UBP1: variants seen among roughly 807,000 people sequenced by gnomAD.
UBP1 encodes upstream binding protein 1, also known as upstream-binding protein 1.
In UBP1, 22 loss-of-function variants were observed where a neutral mutation model predicts 76.1. The observed-to-expected ratio is 0.29, with a 90% confidence interval of 0.21 to 0.41. The LOEUF is 0.41. Ranked by LOEUF, UBP1 falls within the 10% of genes least tolerant of loss-of-function variation. UBP1 has a pLI of 1.00. For synonymous variants in UBP1, 224 were observed against 237.1 expected (o/e 0.94, Z 0.51); for missense variants, 436 against 668.1 (o/e 0.65, Z 3.83).
chr3:33,427,476 G>A (rs137897314), intron 1 of UBP1, among the ~76,000 whole-genome samples: 16 of 152,308 alleles, frequency 1.1e-4, no homozygotes, highest in African/African-American at 3.6e-4. Flanking sequence ...AATAACTACT[G>A]TATCAACACC....
intron 1 of UBP1, 22 bp downstream of exon 1, chr3:33,439,714 C>T (rs1160802329): frequency 1.9e-6 from 3 of 1,609,258 alleles, no homozygotes; most frequent in Non-Finnish European, 8.5e-7. Flanking sequence ...AGAGGCTTCT[C>T]CCCGCCCAGG....
chr3:33,390,137 T>C lies in UBP1; in HGVS notation c.*194A>G, dbSNP rs1197524679. 1 of 605,610 alleles carries C rather than the reference T, an allele frequency of 1.7e-6. No homozygotes were observed. Among genetic ancestry groups the C allele is most frequent in the East Asian group, 2.8e-5 (1 of 35,628 alleles). 37.5% of individuals were successfully genotyped at this position (605,610 alleles called of 1,614,324 possible). ...TGCTGTGCCGATGTGCTCACTCTCATGAGGATGCTTGGCTATGGCAGTGAC... is the reference window on the plus strand; with the variant it reads ...TGCTGTGCCGATGTGCTCACTCTCACGAGGATGCTTGGCTATGGCAGTGAC... On this transcript the variant is annotated 3_prime_UTR_variant, in exon 16 of 16. Coordinates refer to ENST00000283629, the MANE Select transcript of UBP1 (RefSeq NM_014517.5).
At chr3:33,397,221 G>T in intron 11 of UBP1, 86 bp from the exon 12 acceptor site, 1 of 990,960 alleles carries the variant, frequency 1.0e-6, no homozygotes, top group Non-Finnish European at 1.5e-6. Flanking sequence ...GCAGTCCAAT[G>T]TCCTTCAAAA....
At chr3:33,432,751 G>C (rs562775744) in intron 1 of UBP1, among the ~76,000 whole-genome samples, 1 of 152,282 alleles carries the variant, frequency 6.6e-6, no homozygotes, top group South Asian at 2.1e-4. Flanking sequence ...ATGCAATACA[G>C]AATCCTGGAT....
chr3:33,400,940 G>C, intron 10 of UBP1, 22 bp downstream of exon 10: 1 of 1,591,678 alleles, frequency 6.3e-7, no homozygotes, highest in Non-Finnish European at 8.5e-7. Flanking sequence ...GCATCAGATA[G>C]TTTTAGGAGA....
intron 2 of UBP1, among the ~76,000 whole-genome samples, chr3:33,425,022 G>C (rs2044988386): frequency 6.6e-6 from 1 of 151,944 alleles, no homozygotes; most frequent in African/African-American, 2.4e-5. Flanking sequence ...TCCAGCCTGG[G>C]CGATAGAGCA....
In UBP1 at chr3:33,393,298, ATGATT is replaced by A; in HGVS notation, c.1533+9_1533+13del. ...ATACCAGTCTGAAAAGGAAAAACAAATGATTTGATTTACCTGATCACTAACAAGAA... is the reference window on the plus strand; with the variant it reads ...ATACCAGTCTGAAAAGGAAAAACAAATGATTTACCTGATCACTAACAAGAA... On this transcript the variant is annotated intron_variant, in intron 14 of 15. Coordinates refer to ENST00000283629, the MANE Select transcript of UBP1 (RefSeq NM_014517.5). 4 of 1,589,176 alleles carry A rather than the reference ATGATT, an allele frequency of 2.5e-6. No individual in the cohort carries two copies. The highest frequency in any genetic ancestry group is 3.4e-6 in the Non-Finnish European group (4 of 1,170,872).
intron 2 of UBP1, among the ~76,000 whole-genome samples, chr3:33,423,078 G>A (rs960242582): frequency 5.4e-5 from 8 of 149,122 alleles, no homozygotes; most frequent in Admixed American, 6.7e-5. Flanking sequence ...GTCTCGCTCT[G>A]TCACCCAGGC....
chr3:33,400,042 G>T, intron 11 of UBP1, 147 bp downstream of exon 11: 1 of 447,542 alleles, frequency 2.2e-6, no homozygotes, highest in Non-Finnish European at 3.8e-6. Context: ...CCTATTGGGG[G>T]ATAGATATAA....
At chr3:33,394,817 GTTTTTTTTTTT>G (rs76142927) in intron 13 of UBP1, among the ~76,000 whole-genome samples, 1 of 110,444 alleles carries the variant, frequency 9.1e-6, no homozygotes, top group Admixed American at 8.9e-5. Context: ...CCCTCCACTT[GTTTTTTTTTTT>G]TTTTTTTTTA....
At chr3:33,396,615 A>G (rs895079175) in intron 12 of UBP1, 6 of 404,678 alleles carry the variant, frequency 1.5e-5, no homozygotes, top group African/African-American at 1.0e-4. Flanking sequence ...AAGAGCAATG[A>G]TAGTAAATGG....
intron 8 of UBP1, chr3:33,403,560 G>GTCTATCTATCTATCTATCTA (rs1197016609): frequency 1.4e-5 from 2 of 139,924 alleles, no homozygotes; most frequent in South Asian, 2.3e-4. Context: ...CTGTCTGTCT[G>GTCTATCTATCTATCTATCTA]TCTGTCTGTC....
Position 33,412,735 on chromosome 3 carries a change from T to C in UBP1, c.435A>G (p.Arg145=), listed in dbSNP as rs753547711. 1.9e-6 allele frequency: 3 copies of C among 1,612,090 alleles called. No homozygotes were observed. The highest frequency in any genetic ancestry group is 2.5e-6 in the Non-Finnish European group (3 of 1,178,140). The change falls in exon 4 of 16, where the codon AGA becomes AGG. Residue 145 remains arginine (R), a synonymous_variant. Transcript: ENST00000283629. The part of the protein sequence containing the change: ...EGWKWNRPGD[R]LLDLDIPMSV... ...CACTGCCTGTACCTAAATCAAGAAG[T>C]CTGTCTCCTGGGCGATTCCACTTCC...
intron 8 of UBP1, among the ~76,000 whole-genome samples, chr3:33,404,777 A>T (rs569991913): frequency 6.6e-6 from 1 of 152,354 alleles, no homozygotes; most frequent in East Asian, 1.9e-4. Flanking sequence ...ATATTGAAAT[A>T]ATCTAGTAGA....
Position 33,439,886 on chromosome 3 carries a change from C to G in UBP1, c.-38G>C. 6.2e-7 allele frequency: 1 copy of G among 1,606,746 alleles called. No homozygotes were observed. The highest frequency in any genetic ancestry group is 8.5e-7 in the Non-Finnish European group (1 of 1,176,894). The stretch of plus-strand genomic sequence containing the variant: ...CCGTCGCCCCGCACACCGCGGCCTC[C>G]GCGTCCAGGGCGAAGGAGCCGGAGC... On this transcript the variant is annotated 5_prime_UTR_variant, in exon 1 of 16. Transcript: ENST00000283629.
chr3:33,425,993 C>CTGAATA (rs2045004658), intron 1 of UBP1, among the ~76,000 whole-genome samples: 1 of 77,372 alleles, frequency 1.3e-5, no homozygotes, highest in African/African-American at 5.9e-5. Flanking sequence ...CAGGGCAGCT[C>CTGAATA]TGAATATATA....
chr3:33,426,900 G>A (rs2045027171), intron 1 of UBP1, among the ~76,000 whole-genome samples: 1 of 152,134 alleles, frequency 6.6e-6, no homozygotes, highest in Non-Finnish European at 1.5e-5. Context: ...TTTTTGTGTA[G>A]ATAAATTCTG....
At chr3:33,413,958 A>G (rs765889699) in intron 3 of UBP1, among the ~76,000 whole-genome samples, 2 of 152,178 alleles carry the variant, frequency 1.3e-5, no homozygotes, top group Non-Finnish European at 2.9e-5. Flanking sequence ...AGCACAGAAA[A>G]TATCACAGTT....
In UBP1 at chr3:33,409,231, A is replaced by G; in HGVS notation, c.819+5T>C. ...CTTCCAAAACCAAATGCTTTACTAC[A>G]TTACCTCTGTGAGGATTGTGGTATC... On this transcript the variant is annotated splice_donor_5th_base_variant and intron_variant, in intron 7 of 15. Coordinates refer to ENST00000283629, the MANE Select transcript of UBP1 (RefSeq NM_014517.5). 6.2e-7 allele frequency: 1 copy of G among 1,613,478 alleles called. No individual in the cohort carries two copies. Among genetic ancestry groups the G allele is most frequent in the Non-Finnish European group, 8.5e-7 (1 of 1,179,730 alleles).
Sources: allele counts gnomAD v4.1 joint callset (sites outside exome capture counted in the v4.1 genomes callset), GRCh38; gene constraint gnomAD v4.1.1; transcripts MANE v1.5; gene names NCBI Gene and HGNC (gene_info 2026-07-23, HGNC 2026-07-21).